The following VEGFC variants were observed in gnomAD, a reference collection of about 807,000 sequenced individuals.
The protein encoded by VEGFC is FLT4 ligand DHM.
In VEGFC, 12 loss-of-function variants were observed where a neutral mutation model predicts 46.1. That is an observed-to-expected ratio of 0.26 (90% CI 0.17 to 0.42). VEGFC has a LOEUF of 0.42. VEGFC is among the 10% of genes least tolerant of loss of function. The pLI is 1.00. For missense variants in VEGFC, 488 were observed against 529.4 expected, an observed-to-expected ratio of 0.92 and a Z score of 0.77; for synonymous variants, 232 against 195.5, an observed-to-expected ratio of 1.19 and a Z score of -1.56.
chr4:176,792,145 A>G lies in VEGFC; in HGVS notation c.147+20T>C. ...TAACGCAAACTCTCGGGTTCTCCGC[A>G]AACCCTAACGCAGACCTACCGTGGC... On this transcript the variant is annotated intron_variant, in intron 1 of 6. Coordinates refer to ENST00000618562, the MANE Select transcript of VEGFC (RefSeq NM_005429.5). The surrounding 1 kb of genome is among the most constrained non-coding windows in gnomAD (Gnocchi z 6.3). The G allele has an allele frequency of 6.9e-7, 1 of 1,452,876 alleles. No homozygotes were observed. Among genetic ancestry groups the G allele is most frequent in the Non-Finnish European group, 9.1e-7 (1 of 1,102,358 alleles). 90.0% of individuals were successfully genotyped at this position (1,452,876 alleles called of 1,614,324 possible). A position where few individuals can be genotyped will look rare whatever the true frequency, so the allele number is the denominator to read the frequency against.
intron 3 of VEGFC, among the ~76,000 whole-genome samples, chr4:176,725,504 GA>G (rs1468834565): frequency 1.3e-5 from 2 of 152,126 alleles, no homozygotes; most frequent in African/African-American, 4.8e-5. Flanking sequence ...AAATATGCTT[GA>G]AAGTAATTTA....
chr4:176,684,653 T>C (rs769960766), intron 6 of VEGFC, among the ~76,000 whole-genome samples: 2 of 152,142 alleles, frequency 1.3e-5, no homozygotes, highest in South Asian at 4.1e-4. Context: ...ATCCTAGACT[T>C]CCAGTTTCCA....
chr4:176,726,705 A>G (rs1039171926), intron 3 of VEGFC, among the ~76,000 whole-genome samples: 12 of 152,216 alleles, frequency 7.9e-5, no homozygotes, highest in African/African-American at 2.7e-4. Context: ...TAGTAATCTT[A>G]ACTCTGATTT....
chr4:176,788,010 T>C (rs1398869060), intron 1 of VEGFC, among the ~76,000 whole-genome samples: 2 of 152,198 alleles, frequency 1.3e-5, no homozygotes, highest in Non-Finnish European at 2.9e-5. Flanking sequence ...ATGTAACTGG[T>C]GAAAGGTGAA....
chr4:176,690,920 T>G (rs1175828335), intron 4 of VEGFC, among the ~76,000 whole-genome samples: 1 of 152,196 alleles, frequency 6.6e-6, no homozygotes, highest in Non-Finnish European at 1.5e-5. Flanking sequence ...GCCAGTGTTA[T>G]TCCAGCTGCT....
At chr4:176,699,299 C>T (rs1386345109) in intron 4 of VEGFC, among the ~76,000 whole-genome samples, 1 of 152,174 alleles carries the variant, frequency 6.6e-6, no homozygotes, top group Admixed American at 6.5e-5. Flanking sequence ...CTCATGCATT[C>T]CTTCAGAGCA....
chr4:176,741,600 G>T (rs1409764323), intron 1 of VEGFC, among the ~76,000 whole-genome samples: 1 of 151,858 alleles, frequency 6.6e-6, no homozygotes, highest in East Asian at 1.9e-4. Context: ...TTATTCTATG[G>T]ATAATAAAAA....
chr4:176,791,323 T>A (rs1462431868), intron 1 of VEGFC, among the ~76,000 whole-genome samples: 1 of 152,144 alleles, frequency 6.6e-6, no homozygotes, highest in African/African-American at 2.4e-5. Flanking sequence ...GTATGAACTT[T>A]TTAGATAAAG....
chr4:176,760,506 A>T (rs1216097701), intron 1 of VEGFC, among the ~76,000 whole-genome samples: 2 of 152,164 alleles, frequency 1.3e-5, no homozygotes, highest in Non-Finnish European at 2.9e-5. Flanking sequence ...ATATATTCTT[A>T]ATAAATATTT....
At chr4:176,788,338 A>C (rs1221781712) in intron 1 of VEGFC, among the ~76,000 whole-genome samples, 1 of 152,222 alleles carries the variant, frequency 6.6e-6, no homozygotes, top group African/African-American at 2.4e-5. Context: ...ATTAGGACCT[A>C]AATAAATGCA....
At chr4:176,720,679 C>T (rs546865936) in intron 3 of VEGFC, among the ~76,000 whole-genome samples, 1 of 151,306 alleles carries the variant, frequency 6.6e-6, no homozygotes, top group Admixed American at 6.6e-5. Flanking sequence ...ATCTCTACTA[C>T]AAATACAAAA....
At chr4:176,756,523 G>GCCCATCTAGGGAAGAACA (rs1473950313) in intron 1 of VEGFC, among the ~76,000 whole-genome samples, 5 of 151,934 alleles carry the variant, frequency 3.3e-5, no homozygotes, top group Non-Finnish European at 7.4e-5. Flanking sequence ...AACATTCCAG[G>GCCCATCTAGGGAAGAACA]CTCTTTGAAA....
chr4:176,761,419 T>C (rs991190297), intron 1 of VEGFC, among the ~76,000 whole-genome samples: 1 of 152,200 alleles, frequency 6.6e-6, no homozygotes, highest in African/African-American at 2.4e-5. Context: ...AGATGCTCCC[T>C]AAATAAAGAA....
At chr4:176,721,894 G>T (rs1466018898) in intron 3 of VEGFC, among the ~76,000 whole-genome samples, 2 of 152,060 alleles carry the variant, frequency 1.3e-5, no homozygotes, top group African/African-American at 4.8e-5. Context: ...AAGTAGATGA[G>T]AAAATACAAG....
chr4:176,691,968 G>A (rs1162855359), intron 4 of VEGFC, among the ~76,000 whole-genome samples: 2 of 152,154 alleles, frequency 1.3e-5, no homozygotes, highest in Non-Finnish European at 2.9e-5. Flanking sequence ...GAAGCAGGGC[G>A]AGGCATTGCC....
chr4:176,684,778 C>T (rs563833370), intron 6 of VEGFC, among the ~76,000 whole-genome samples: 80 of 152,236 alleles, frequency 5.3e-4, no homozygotes, highest in African/African-American at 1.6e-3. Flanking sequence ...CAGGCTGGAG[C>T]GCAGTGGGGC....
chr4:176,684,077 T>TC (rs1481101222), intron 6 of VEGFC, 37 bp from the exon 7 acceptor site: 1 of 1,451,704 alleles, frequency 6.9e-7, no homozygotes, highest in Admixed American at 1.7e-5. Context: ...ACGTTAAAGA[T>TC]CAAGGCAATG....
chr4:176,736,053 G>A (rs1735047780), intron 1 of VEGFC, among the ~76,000 whole-genome samples: 1 of 151,662 alleles, frequency 6.6e-6, no homozygotes, highest in South Asian at 2.1e-4. Flanking sequence ...TCTCCACCTT[G>A]AAGCCCCACC....
At chr4:176,724,665 G>A (rs1734843094) in intron 3 of VEGFC, among the ~76,000 whole-genome samples, 1 of 152,170 alleles carries the variant, frequency 6.6e-6, no homozygotes, top group Admixed American at 6.5e-5. Context: ...ACCTAAAGGT[G>A]TGTGTGCAAG....
Sources: allele counts gnomAD v4.1 joint callset (sites outside exome capture counted in the v4.1 genomes callset), GRCh38; gene constraint gnomAD v4.1.1; non-coding constraint Gnocchi (gnomAD v3.1); transcripts MANE v1.5; gene names NCBI Gene and HGNC (gene_info 2026-07-23, HGNC 2026-07-21).